Variants in DLG2 observed in about 807,000 individuals in gnomAD.
The protein encoded by DLG2 is disks large homolog 2.
DLG2 carries 45 observed loss-of-function variants against 132.5 expected under a neutral mutation model. The ratio of observed to expected loss-of-function variants is 0.34; its 90% CI spans 0.27 to 0.44. DLG2 has a LOEUF of 0.44. Among genes scored for constraint, DLG2 ranks in the 20% least tolerant of loss-of-function variants. The pLI, the probability that DLG2 is intolerant of heterozygous loss-of-function variation, is 1.00. For synonymous variants in DLG2, 424 were observed against 419.6 expected (o/e 1.01, Z -0.13); for missense variants, 1,045 against 1,196.9 (o/e 0.87, Z 1.87).
At chr11:83,948,721 T>C (rs1323931827) in intron 14 of DLG2, among the ~76,000 whole-genome samples, 1 of 152,214 alleles carries the variant, frequency 6.6e-6, no homozygotes, top group Non-Finnish European at 1.5e-5. Context: ...CAACTGCCTA[T>C]GTTTAGACAC....
chr11:85,090,496 C>T (rs1382200909), intron 6 of DLG2, among the ~76,000 whole-genome samples: 3 of 152,178 alleles, frequency 2.0e-5, no homozygotes, highest in Admixed American at 6.5e-5. Context: ...CACATGCACT[C>T]ATATTTTCAC....
intron 15 of DLG2, among the ~76,000 whole-genome samples, chr11:83,878,866 G>T (rs902778871): frequency 1.3e-5 from 2 of 152,058 alleles, no homozygotes; most frequent in Non-Finnish European, 2.9e-5. Flanking sequence ...TACTAAATTG[G>T]GCAACTGTGG....
intron 7 of DLG2, among the ~76,000 whole-genome samples, chr11:84,511,596 T>C (rs1038936622): frequency 6.6e-6 from 1 of 152,182 alleles, no homozygotes; most frequent in Non-Finnish European, 1.5e-5. Context: ...CTGAGTACTA[T>C]ACTAATTGTC....
chr11:84,820,565 T>A (rs1330020354), intron 6 of DLG2, among the ~76,000 whole-genome samples: 1 of 151,850 alleles, frequency 6.6e-6, no homozygotes, highest in African/African-American at 2.4e-5. Context: ...ATTTTTCCCT[T>A]GATGAAATTT....
At chr11:84,215,722 T>C (rs1006380990) in intron 8 of DLG2, among the ~76,000 whole-genome samples, 3 of 152,100 alleles carry the variant, frequency 2.0e-5, no homozygotes, top group Non-Finnish European at 4.4e-5. Flanking sequence ...GAAACAAACC[T>C]CTCTGAGGAA....
intron 6 of DLG2, among the ~76,000 whole-genome samples, chr11:85,063,471 G>C (rs1368898616): frequency 6.6e-6 from 1 of 151,760 alleles, no homozygotes; most frequent in East Asian, 1.9e-4. Flanking sequence ...TTACTTTATG[G>C]GGCTCCTAGA....
intron 3 of DLG2, among the ~76,000 whole-genome samples, chr11:85,372,148 T>TA (rs2085032257): frequency 6.6e-6 from 1 of 152,176 alleles, no homozygotes; most frequent in Non-Finnish European, 1.5e-5. Flanking sequence ...ATGGGTAATA[T>TA]AAAAATCTGG....
At chr11:83,960,249 A>G (rs971489921) in intron 14 of DLG2, among the ~76,000 whole-genome samples, 2 of 152,022 alleles carry the variant, frequency 1.3e-5, no homozygotes, top group African/African-American at 4.8e-5. Context: ...TATGGCATTC[A>G]TGTAATACTC....
chr11:83,709,225 T>C (rs2084780540), intron 18 of DLG2, among the ~76,000 whole-genome samples: 1 of 139,510 alleles, frequency 7.2e-6, no homozygotes, highest in Non-Finnish European at 1.5e-5. Context: ...AGGACAAAAT[T>C]TTACACTGTG....
In DLG2 at chr11:85,275,912, A is replaced by G. The variant is rs2449986; in HGVS notation, c.186+9308T>C. Reference sequence around the variant, plus strand: ...TAGAAAATACGAAGCTCCCCAAGGGAAAAAAAAAAATGCTTACTGATTCTA... The same window carrying G: ...TAGAAAATACGAAGCTCCCCAAGGGGAAAAAAAAAATGCTTACTGATTCTA... On this transcript the variant is annotated intron_variant, in intron 4 of 27. Coordinates refer to ENST00000376104, the MANE Select transcript of DLG2 (RefSeq NM_001142699.3). Among the ~76,000 whole-genome samples, 41 of 148,478 alleles carry G rather than the reference A, an allele frequency of 2.8e-4. No individual in the cohort carries two copies. The South Asian group carries it at 7.0e-3, about 25-fold the overall frequency.
At chr11:84,681,387 T>C (rs1459897010) in intron 6 of DLG2, among the ~76,000 whole-genome samples, 1 of 152,176 alleles carries the variant, frequency 6.6e-6, no homozygotes, top group Admixed American at 6.5e-5. Flanking sequence ...GCTTAGGTAC[T>C]TGAAGAAGGC....
chr11:83,850,411 C>T (rs1009528365), intron 16 of DLG2, among the ~76,000 whole-genome samples: 1 of 152,110 alleles, frequency 6.6e-6, no homozygotes, highest in Non-Finnish European at 1.5e-5. Flanking sequence ...TCTCTGCCTC[C>T]CAAAGTGCTG....
At chr11:85,008,051 C>T (rs1482426889) in intron 6 of DLG2, among the ~76,000 whole-genome samples, 1 of 152,038 alleles carries the variant, frequency 6.6e-6, no homozygotes, top group Non-Finnish European at 1.5e-5. Flanking sequence ...GTATTTCTAC[C>T]ATAAAATATA....
At chr11:85,376,744 A>G (rs1319131952) in intron 3 of DLG2, among the ~76,000 whole-genome samples, 1 of 152,190 alleles carries the variant, frequency 6.6e-6, no homozygotes, top group East Asian at 1.9e-4. Flanking sequence ...AGATTAAGAA[A>G]CCAACCATTA....
intron 3 of DLG2, among the ~76,000 whole-genome samples, chr11:85,330,943 T>C (rs995603983): frequency 4.6e-5 from 7 of 152,198 alleles, no homozygotes; most frequent in South Asian, 2.1e-4. Flanking sequence ...TTCCCATGTA[T>C]ACTGAGTATT....
At chr11:83,544,440 C>CT (rs909602914) in intron 19 of DLG2, among the ~76,000 whole-genome samples, 8 of 151,922 alleles carry the variant, frequency 5.3e-5, no homozygotes, top group Non-Finnish European at 7.4e-5. Flanking sequence ...ATCCTCCCCA[C>CT]TTTTTTTTGT....
intron 7 of DLG2, among the ~76,000 whole-genome samples, chr11:84,493,839 C>T (rs1049880290): frequency 1.3e-5 from 2 of 152,138 alleles, no homozygotes; most frequent in Non-Finnish European, 2.9e-5. Flanking sequence ...ACTAGTGATA[C>T]TTCACATCTC....
chr11:83,687,072 C>G (rs1469803581), intron 18 of DLG2, among the ~76,000 whole-genome samples: 5 of 152,156 alleles, frequency 3.3e-5, no homozygotes, highest in Non-Finnish European at 7.4e-5. Flanking sequence ...TATGGTGCCA[C>G]AAACCCAAAA....
chr11:84,866,452 A>G (rs749033495), intron 6 of DLG2, among the ~76,000 whole-genome samples: 2 of 152,224 alleles, frequency 1.3e-5, no homozygotes, highest in Non-Finnish European at 2.9e-5. Context: ...AGGGAAGGCA[A>G]TGACTTGCAG....
Sources: gnomAD v4.1 joint callset for allele counts (sites outside exome capture counted in the v4.1 genomes callset) on GRCh38, gnomAD v4.1.1 for gene constraint, MANE v1.5 for transcripts, NCBI Gene and HGNC (gene_info 2026-07-23, HGNC 2026-07-21) for gene names.